The following ARHGAP15 variants were observed in gnomAD, a reference collection of about 807,000 sequenced individuals.
The protein encoded by ARHGAP15 is rho GTPase-activating protein 15.
ARHGAP15 carries 51 observed loss-of-function variants against 63.7 expected under a neutral mutation model. That is an observed-to-expected ratio of 0.80 (90% CI 0.64 to 1.01). ARHGAP15 has a LOEUF of 1.01. Among genes scored for constraint, ARHGAP15 ranks in the 50% least tolerant of loss-of-function variants. The pLI is 0.00. For missense variants in ARHGAP15, 560 were observed against 564.6 expected, an observed-to-expected ratio of 0.99 and a Z score of 0.08; for synonymous variants, 191 against 193.8, an observed-to-expected ratio of 0.99 and a Z score of 0.12.
chr2:143,229,887 T>G (rs1693371546), intron 5 of ARHGAP15, among the ~76,000 whole-genome samples: 1 of 152,200 alleles, frequency 6.6e-6, no homozygotes, highest in African/African-American at 2.4e-5. Context: ...CTTGCTGATT[T>G]TGGAGTCTCA....
intron 13 of ARHGAP15, among the ~76,000 whole-genome samples, chr2:143,721,755 T>C (rs1001997559): frequency 1.3e-5 from 2 of 152,098 alleles, no homozygotes; most frequent in African/African-American, 4.8e-5. Context: ...GGCGGGATCT[T>C]GGCTCACTGC....
At chr2:143,413,474 C>G (rs1688531419) in intron 6 of ARHGAP15, among the ~76,000 whole-genome samples, 1 of 152,108 alleles carries the variant, frequency 6.6e-6, no homozygotes, top group Admixed American at 6.5e-5. Flanking sequence ...AGCCTATCAC[C>G]TATAGCTTTT....
At chr2:143,741,465 T>C (rs1685960904) in intron 13 of ARHGAP15, among the ~76,000 whole-genome samples, 1 of 152,226 alleles carries the variant, frequency 6.6e-6, no homozygotes, top group Non-Finnish European at 1.5e-5. Context: ...GGAATGAATT[T>C]TTTTTCTGAG....
intron 6 of ARHGAP15, among the ~76,000 whole-genome samples, chr2:143,321,510 G>A (rs1480043041): frequency 1.3e-5 from 2 of 152,188 alleles, no homozygotes; most frequent in African/African-American, 4.8e-5. Flanking sequence ...GTCCTAAGAG[G>A]GCTGTTCACT....
intron 2 of ARHGAP15, among the ~76,000 whole-genome samples, chr2:143,190,501 G>A (rs1372426383): frequency 6.6e-6 from 1 of 152,148 alleles, no homozygotes; most frequent in Non-Finnish European, 1.5e-5. Context: ...TAATGAGGTA[G>A]ATTTTAATCC....
intron 2 of ARHGAP15, among the ~76,000 whole-genome samples, chr2:143,179,076 T>C (rs1253880453): frequency 6.6e-6 from 1 of 152,244 alleles, no homozygotes; most frequent in Non-Finnish European, 1.5e-5. Context: ...AACACCCTTC[T>C]CTAGTGCAGT....
chr2:143,519,925 T>C (rs910649058), intron 10 of ARHGAP15, among the ~76,000 whole-genome samples: 3 of 152,222 alleles, frequency 2.0e-5, no homozygotes, highest in Admixed American at 2.0e-4. Flanking sequence ...TATTTCATCT[T>C]ACTGAAGGGA....
chr2:143,308,381 C>T (rs1683274833), intron 6 of ARHGAP15, among the ~76,000 whole-genome samples: 1 of 151,992 alleles, frequency 6.6e-6, no homozygotes, highest in African/African-American at 2.4e-5. Context: ...CACTAGCTCA[C>T]TGGATAATAT....
chr2:143,170,013 T>C (rs1277901203), intron 2 of ARHGAP15, among the ~76,000 whole-genome samples: 1 of 151,978 alleles, frequency 6.6e-6, no homozygotes, highest in Non-Finnish European at 1.5e-5. Context: ...CCTGTTTGTA[T>C]AAAGTCCTTT....
At chr2:143,602,845 A>G (rs1574692204) in intron 11 of ARHGAP15, among the ~76,000 whole-genome samples, 1 of 152,096 alleles carries the variant, frequency 6.6e-6, no homozygotes, top group East Asian at 1.9e-4. Flanking sequence ...CTGGCTTTTC[A>G]TCTCCTTGTC....
intron 4 of ARHGAP15, among the ~76,000 whole-genome samples, chr2:143,222,012 A>G (rs1574110779): frequency 6.6e-6 from 1 of 152,292 alleles, no homozygotes; most frequent in African/African-American, 2.4e-5. Context: ...TTTTTTCTTT[A>G]GTAGTTTCTG....
chr2:143,389,395 G>T (rs970063262), intron 6 of ARHGAP15, among the ~76,000 whole-genome samples: 3 of 152,006 alleles, frequency 2.0e-5, no homozygotes, highest in Admixed American at 2.0e-4. Flanking sequence ...CTTACACCAC[G>T]CAAGGTCTAT....
At chr2:143,503,964 G>T (rs548182023) in intron 9 of ARHGAP15, among the ~76,000 whole-genome samples, 1 of 152,260 alleles carries the variant, frequency 6.6e-6, no homozygotes, top group Admixed American at 6.5e-5. Flanking sequence ...ATGCTCTAAG[G>T]GGTATTTAGG....
chr2:143,143,579 T>G lies in ARHGAP15; in HGVS notation c.-14-11898T>G, dbSNP rs1689462015. Among the ~76,000 whole-genome samples, 3 of 151,106 alleles carry G rather than the reference T, an allele frequency of 2.0e-5. No homozygotes were observed. The South Asian group carries it at 6.3e-4, about 32-fold the overall frequency. On this transcript the variant is annotated intron_variant, in intron 1 of 13. Transcript: ENST00000295095. ...AGCTATTTTCTTTCTTTTTTTTTTT[T>G]TTGTCCCTCAGACAATTACTTGAAC...
At chr2:143,588,693 T>A (rs1448398036) in intron 11 of ARHGAP15, among the ~76,000 whole-genome samples, 1 of 152,140 alleles carries the variant, frequency 6.6e-6, no homozygotes, top group Admixed American at 6.6e-5. Flanking sequence ...TAGTATCCCA[T>A]GGAAATTTTT....
At chr2:143,209,784 T>C (rs1285916683) in intron 3 of ARHGAP15, among the ~76,000 whole-genome samples, 1 of 152,032 alleles carries the variant, frequency 6.6e-6, no homozygotes, top group Non-Finnish European at 1.5e-5. Context: ...GCCAGAATAT[T>C]ATGAACAAGG....
intron 5 of ARHGAP15, among the ~76,000 whole-genome samples, chr2:143,240,692 A>G (rs1693829189): frequency 6.6e-6 from 1 of 152,214 alleles, no homozygotes; most frequent in Non-Finnish European, 1.5e-5. Flanking sequence ...ACATTTAATG[A>G]TTAGGAAAAA....
intron 6 of ARHGAP15, among the ~76,000 whole-genome samples, chr2:143,412,772 C>CT (rs1688499966): frequency 6.6e-6 from 1 of 152,074 alleles, no homozygotes; most frequent in Non-Finnish European, 1.5e-5. Flanking sequence ...CTTCTCCTCT[C>CT]TCTCCTCTTT....
chr2:143,503,878 C>T (rs1693183999), intron 9 of ARHGAP15, among the ~76,000 whole-genome samples: 1 of 152,176 alleles, frequency 6.6e-6, no homozygotes, highest in Non-Finnish European at 1.5e-5. Flanking sequence ...TACAAAGCTA[C>T]ACAAAGCAAG....
Sources: allele counts gnomAD v4.1 joint callset (sites outside exome capture counted in the v4.1 genomes callset), GRCh38; gene constraint gnomAD v4.1.1; transcripts MANE v1.5; gene names NCBI Gene and HGNC (gene_info 2026-07-23, HGNC 2026-07-21).